Variants in FAM120B observed in about 807,000 individuals in gnomAD.
FAM120B encodes the protein constitutive coactivator of peroxisome proliferator-activated receptor gamma.
Under a neutral mutation model 96.3 loss-of-function variants are expected in FAM120B, and 83 were observed. That is an observed-to-expected ratio of 0.86 (90% CI 0.72 to 1.03). FAM120B has a LOEUF of 1.03. Ranked by LOEUF, FAM120B falls within the 50% of genes least tolerant of loss-of-function variation. FAM120B has a pLI of 0.00. For synonymous variants in FAM120B, 407 were observed against 402.7 expected, an observed-to-expected ratio of 1.01 and a Z score of -0.13; for missense variants, 1,027 against 1,121.2, an observed-to-expected ratio of 0.92 and a Z score of 1.20.
At chr6:170,369,350 T>G (rs564600751) in intron 6 of FAM120B, among the ~76,000 whole-genome samples, 13 of 152,316 alleles carry the variant, frequency 8.5e-5, no homozygotes, top group African/African-American at 2.9e-4. Flanking sequence ...AGCTGTGCAG[T>G]GCGTCTGCCT....
At chr6:170,316,090 A>G (rs987566069) in intron 1 of FAM120B, among the ~76,000 whole-genome samples, 5 of 149,838 alleles carry the variant, frequency 3.3e-5, no homozygotes, top group Admixed American at 2.0e-4. Context: ...AAATCAGTAT[A>G]TTCTTAAAAG....
intron 2 of FAM120B, among the ~76,000 whole-genome samples, chr6:170,322,698 A>T (rs1785372515): frequency 6.6e-6 from 1 of 152,148 alleles, no homozygotes; most frequent in Non-Finnish European, 1.5e-5. Context: ...GTTTTCAAAG[A>T]CAGTATGGCA....
intron 9 of FAM120B, among the ~76,000 whole-genome samples, chr6:170,397,394 G>A (rs1355078505): frequency 6.6e-6 from 1 of 152,132 alleles, no homozygotes. Context: ...TGAGAGGGTG[G>A]GAGCTGATGC....
At chr6:170,329,895 C>G (rs905524302) in intron 3 of FAM120B, among the ~76,000 whole-genome samples, 1 of 152,216 alleles carries the variant, frequency 6.6e-6, no homozygotes, top group Admixed American at 6.5e-5. Flanking sequence ...CATCGAAGCC[C>G]TCTGCCCAAC....
At chr6:170,333,077 T>C (rs978050425) in intron 4 of FAM120B, among the ~76,000 whole-genome samples, 1 of 151,960 alleles carries the variant, frequency 6.6e-6, no homozygotes, top group Non-Finnish European at 1.5e-5. Context: ...GAAGGGGAAA[T>C]AATCAAAATT....
rs868335834 is a variant in FAM120B at position 170,406,509 on chromosome 6, A to G, written c.*1758A>G. 6.6e-6 allele frequency: 1 copy of G among 152,248 alleles called. No individual in the cohort carries two copies. The allele number at this position is 152,248 out of a possible 1,614,324, so 9.4% of individuals were successfully genotyped here. On this transcript the variant is annotated 3_prime_UTR_variant, in exon 11 of 11. Transcript: ENST00000476287. ...TCCTGAGTGTTTATTAAAAAGGGACATGGTCTCTAGGTATCTTATTACATT... is the reference window on the plus strand; with the variant it reads ...TCCTGAGTGTTTATTAAAAAGGGACGTGGTCTCTAGGTATCTTATTACATT...
intron 4 of FAM120B, among the ~76,000 whole-genome samples, chr6:170,341,109 G>A (rs1351544969): frequency 6.6e-6 from 1 of 152,238 alleles, no homozygotes; most frequent in Non-Finnish European, 1.5e-5. Context: ...ACCCACAGCA[G>A]CCCCCTTCCC....
intron 1 of FAM120B, among the ~76,000 whole-genome samples, 167 bp downstream of exon 1, chr6:170,307,009 A>C (rs527798040): frequency 6.6e-6 from 1 of 152,020 alleles, no homozygotes; most frequent in Non-Finnish European, 1.5e-5. Flanking sequence ...CTGCGACATC[A>C]TGGGATCCTC....
In FAM120B at chr6:170,295,598, G is replaced by A. The variant is rs111528890; in HGVS notation, c.48+145G>A. The A allele has an allele frequency of 5.5e-5, 30 of 549,168 alleles. No individual in the cohort carries two copies. Among genetic ancestry groups the A allele is most frequent in the African/African-American group, 2.8e-4 (14 of 49,498 alleles). 34.0% of individuals were successfully genotyped at this position (549,168 alleles called of 1,614,324 possible). A position where few individuals can be genotyped will look rare whatever the true frequency, so the allele number is the denominator to read the frequency against. ...CACAAGAACAGCAGCCGGGGGCGAA[G>A]GAATCAGCCCCGCAGCGGCTCCTAA... On this transcript the variant is annotated intron_variant, in intron 1 of 10. Coordinates refer to the FAM120B transcript ENST00000537664. This position sits in a 1 kb window ranked among gnomAD's most constrained non-coding sequence, Gnocchi z 7.8.
chr6:170,310,028 C>T (rs1005829819), intron 1 of FAM120B, among the ~76,000 whole-genome samples: 1 of 152,140 alleles, frequency 6.6e-6, no homozygotes, highest in Non-Finnish European at 1.5e-5. Flanking sequence ...GTTTTCTGTC[C>T]TATTGTTTCC....
At chr6:170,303,964 C>A (rs1318110120), upstream of FAM120B, among the ~76,000 whole-genome samples, 1 of 152,216 alleles carries the variant, frequency 6.6e-6, no homozygotes, top group Non-Finnish European at 1.5e-5. Context: ...TCACTTCCTT[C>A]TGGAAACATC....
intron 6 of FAM120B, among the ~76,000 whole-genome samples, chr6:170,366,773 A>G (rs1788828586): frequency 6.6e-6 from 1 of 152,242 alleles, no homozygotes; most frequent in South Asian, 2.1e-4. Flanking sequence ...TGTCGGCATG[A>G]GTACACAAAG....
upstream of FAM120B, chr6:170,295,277 C>T (rs2114973744): frequency 3.1e-6 from 2 of 642,700 alleles, no homozygotes; most frequent in Admixed American, 2.2e-5. The surrounding 1 kb of genome is among the most constrained non-coding windows in gnomAD (Gnocchi z 7.8). Flanking sequence ...GCCATGTCCC[C>T]TGCCCAGCCA....
intron 6 of FAM120B, among the ~76,000 whole-genome samples, chr6:170,376,477 C>T (rs868098037): frequency 8.5e-5 from 7 of 82,122 alleles, no homozygotes; most frequent in Non-Finnish European, 1.2e-4. Flanking sequence ...TCGAGGAACA[C>T]GGGGGTGGGG....
intron 2 of FAM120B, among the ~76,000 whole-genome samples, chr6:170,319,682 G>A (rs1347894351): frequency 6.6e-6 from 1 of 152,128 alleles, no homozygotes; most frequent in Non-Finnish European, 1.5e-5. Context: ...TAAAGTACAG[G>A]GAGAAGTTCC....
In FAM120B at chr6:170,389,207, A is replaced by G. The variant is rs148846919; in HGVS notation, c.2490+714A>G. ...GAGATATCTTGGGGCTGAGACCCAA[A>G]TCTAAACACAAAGTTCATGTATGTC... On this transcript the variant is annotated intron_variant, in intron 7 of 10. Transcript: ENST00000476287. 7.5e-3 allele frequency among the ~76,000 whole-genome samples: 1,140 copies of G among 152,332 alleles called. 5 individuals carry two copies. The highest frequency in any genetic ancestry group is 0.024 in the Middle Eastern group (7 of 294).
chr6:170,374,128 T>TCCCCTCTGG (rs1789369348), intron 6 of FAM120B, among the ~76,000 whole-genome samples: 1 of 152,162 alleles, frequency 6.6e-6, no homozygotes, highest in Admixed American at 6.5e-5. Context: ...GGGTTAAACT[T>TCCCCTCTGG]CCCCTCTGGT....
At chr6:170,398,713 G>A (rs1174698936) in intron 9 of FAM120B, among the ~76,000 whole-genome samples, 9 of 148,392 alleles carry the variant, frequency 6.1e-5, no homozygotes, top group Non-Finnish European at 1.3e-4. Flanking sequence ...AGTGGGGAAG[G>A]TAGAACTATG....
intron 4 of FAM120B, among the ~76,000 whole-genome samples, chr6:170,342,285 A>G (rs1786890287): frequency 6.6e-6 from 1 of 152,160 alleles, no homozygotes; most frequent in Admixed American, 6.5e-5. Context: ...AAATGATCTG[A>G]GCTAAAAGAT....
Sources: allele counts gnomAD v4.1 joint callset (sites outside exome capture counted in the v4.1 genomes callset), GRCh38; gene constraint gnomAD v4.1.1; non-coding constraint Gnocchi (gnomAD v3.1); transcripts MANE v1.5; gene names NCBI Gene and HGNC (gene_info 2026-07-23, HGNC 2026-07-21).